Variants in ASB3 observed in about 807,000 individuals in gnomAD.
ASB3 encodes ankyrin repeat and SOCS box containing 3, also known as ankyrin repeat and SOCS box protein 3.
A neutral mutation model predicts 54.5 loss-of-function variants in ASB3; 41 were observed. The ratio of observed to expected loss-of-function variants is 0.75; its 90% CI spans 0.59 to 0.98. The LOEUF is 0.98. Ranked by LOEUF, ASB3 falls within the 50% of genes least tolerant of loss-of-function variation. ASB3 has a pLI of 0.00. For synonymous variants in ASB3, 266 were observed against 221.2 expected (o/e 1.20, Z -1.80); for missense variants, 733 against 620.0 (o/e 1.18, Z -1.94).
At position 53,714,600 on chromosome 2, in the gene ASB3, A is replaced by C; in HGVS notation, c.783-19T>G. 2 of 1,611,540 alleles carry C rather than the reference A, an allele frequency of 1.2e-6. No individual in the cohort carries two copies. Among genetic ancestry groups the C allele is most frequent in the Non-Finnish European group, 1.7e-6 (2 of 1,178,632 alleles). ...CAAGATTCTATAAATACACAAATTC[A>C]GGAGAATTTAGTGTTTGTATATGTG... is the stretch of plus-strand genomic sequence containing the variant. On this transcript the variant is annotated intron_variant, in intron 6 of 9. Transcript: ENST00000263634.
intron 3 of ASB3, among the ~76,000 whole-genome samples, chr2:53,734,504 T>C (rs577160689): frequency 1.7e-4 from 26 of 152,336 alleles, no homozygotes; most frequent in African/African-American, 6.3e-4. Context: ...GTCTACTTAG[T>C]GCCTATTATG....
Position 53,709,524 on chromosome 2 carries a change from T to C in ASB3, c.980+4860A>G, listed in dbSNP as rs141812851. Among the ~76,000 whole-genome samples the C allele has an allele frequency of 4.6e-5, 7 of 152,286 alleles. No homozygotes were observed. The East Asian group carries it at 1.4e-3, about 29-fold the overall frequency. Reference sequence around the variant, plus strand: ...CACTGAAATCTAAAGAAAGTTAGTATAAGATGTTTAGATGAAGGCTGGAGG... The same window carrying C: ...CACTGAAATCTAAAGAAAGTTAGTACAAGATGTTTAGATGAAGGCTGGAGG... On this transcript the variant is annotated intron_variant, in intron 7 of 9. Transcript: ENST00000263634.
rs538919769 is a variant in ASB3 at position 53,757,516 on chromosome 2, T to C, written c.197-6575A>G. Among the ~76,000 whole-genome samples the C allele has an allele frequency of 2.6e-5, 4 of 152,334 alleles. No homozygotes were observed. In the South Asian group the frequency reaches 6.2e-4, roughly 24 times the overall value. On this transcript the variant is annotated intron_variant, in intron 2 of 9. Transcript: ENST00000263634. ...ACCTCCTGGGTCCCGACCATGACTT[T>C]CTTGAAAGTGTAGCCCAAAATTCTC...
chr2:53,720,817 A>G (rs535661493), intron 5 of ASB3, among the ~76,000 whole-genome samples: 7 of 152,324 alleles, frequency 4.6e-5, no homozygotes, highest in African/African-American at 1.7e-4. Context: ...ACTCCAAGAC[A>G]GACCACATGC....
intron 9 of ASB3, among the ~76,000 whole-genome samples, chr2:53,682,536 G>A (rs1668429977): frequency 6.6e-6 from 1 of 152,068 alleles, no homozygotes; most frequent in Admixed American, 6.5e-5. Context: ...GAGTGCAGTG[G>A]TGCGATCTCG....
chr2:53,716,918 T>C (rs943818942), intron 5 of ASB3, among the ~76,000 whole-genome samples, 175 bp from the exon 6 acceptor site: 2 of 152,194 alleles, frequency 1.3e-5, no homozygotes, highest in African/African-American at 2.4e-5. Flanking sequence ...TTGGTAATCA[T>C]TTAAATTGTC....
rs1485339834 is a variant in ASB3, at chr2:53,786,936, G to T, written c.-129C>A. 4.8e-6 allele frequency: 2 copies of T among 420,294 alleles called. No individual in the cohort carries two copies. The highest frequency in any genetic ancestry group is 4.0e-5 in the Admixed American group (1 of 25,272). 26.0% of individuals were successfully genotyped at this position (420,294 alleles called of 1,614,324 possible). On this transcript the variant is annotated 5_prime_UTR_variant, in exon 1 of 10. Transcript: ENST00000263634. ...CGCGATGCTGCAGCCGTCCGAAAAC[G>T]AGAGACGCGCAGGCGACGTCCCGGC...
intron 1 of ASB3, chr2:53,768,054 C>A (rs763972378): frequency 1.2e-6 from 2 of 1,607,494 alleles, no homozygotes; most frequent in African/African-American, 1.3e-5. Flanking sequence ...ACACTTACTG[C>A]CCCCTGACCC....
chr2:53,679,403 C>T (rs1168614619), intron 9 of ASB3, among the ~76,000 whole-genome samples: 1 of 152,146 alleles, frequency 6.6e-6, no homozygotes, highest in African/African-American at 2.4e-5. Context: ...ACAGTAAAAA[C>T]TGGTCTTATG....
intron 9 of ASB3, among the ~76,000 whole-genome samples, chr2:53,674,784 T>C (rs1016225292): frequency 2.0e-5 from 3 of 152,240 alleles, no homozygotes; most frequent in Non-Finnish European, 2.9e-5. Context: ...TCCCAGTTTT[T>C]CTTAATTTAC....
chr2:53,768,359 G>C (rs532243200), intron 1 of ASB3: 1 of 220,966 alleles, frequency 4.5e-6, no homozygotes, highest in Non-Finnish European at 8.9e-6. Context: ...TCCCATTGGC[G>C]GGAAGATGAA....
chr2:53,716,715 G>A lies in ASB3; in HGVS notation c.633C>T (p.Asp211=). Reference sequence around the variant, plus strand: ...CAGCAATGAACAAGGGTGTAGCTTTGTCCAAGGCTTGACAATTGACATTTG... The same window carrying A: ...CAGCAATGAACAAGGGTGTAGCTTTATCCAAGGCTTGACAATTGACATTTG... ...SGANVNCQAL[D]KATPLFIAAQ... The change falls in exon 6 of 10, where the codon GAC becomes GAT. Residue 211 remains aspartate, a synonymous_variant. Coordinates refer to ENST00000263634, the MANE Select transcript of ASB3 (RefSeq NM_016115.5). 1.2e-6 allele frequency: 2 copies of A among 1,613,678 alleles called. No homozygotes were observed. Among genetic ancestry groups the A allele is most frequent in the East Asian group, 2.2e-5 (1 of 44,848 alleles).
At chr2:53,724,357 T>C (rs932726847) in intron 5 of ASB3, among the ~76,000 whole-genome samples, 11 of 152,078 alleles carry the variant, frequency 7.2e-5, no homozygotes, top group Non-Finnish European at 1.0e-4. Flanking sequence ...CTCAGCACTT[T>C]GGAGGCCAAG....
chr2:53,774,590 A>C, intron 1 of ASB3: 1 of 1,222,640 alleles, frequency 8.2e-7, no homozygotes, highest in Non-Finnish European at 1.1e-6. Flanking sequence ...CGTTTACTTA[A>C]AGATCTTATT....
intron 9 of ASB3, among the ~76,000 whole-genome samples, chr2:53,673,636 G>C (rs1323803501): frequency 6.6e-6 from 1 of 152,118 alleles, no homozygotes; most frequent in East Asian, 1.9e-4. Context: ...CAACAACATA[G>C]CTGTTGTTAA....
At chr2:53,680,708 T>G (rs1407593407) in intron 9 of ASB3, among the ~76,000 whole-genome samples, 2 of 152,218 alleles carry the variant, frequency 1.3e-5, no homozygotes, top group African/African-American at 2.4e-5. Flanking sequence ...CTCAAGCATT[T>G]ATCCTTTCTT....
rs371223028 is a variant in ASB3, at chr2:53,764,733, C to T, written c.196+644G>A. ...TGTAAATACTCCTACCATGGCCGAT[C>T]CCAAGCATGAAGTCACTGAATGCAG... On this transcript the variant is annotated intron_variant, in intron 2 of 9. Coordinates refer to ENST00000263634, the MANE Select transcript of ASB3 (RefSeq NM_016115.5). 2.0e-5 allele frequency among the ~76,000 whole-genome samples: 3 copies of T among 152,310 alleles called. No homozygotes were observed. The East Asian group carries it at 5.8e-4, about 29-fold the overall frequency.
intron 8 of ASB3, among the ~76,000 whole-genome samples, chr2:53,695,700 T>C (rs1669146219): frequency 6.6e-6 from 1 of 152,110 alleles, no homozygotes; most frequent in Admixed American, 6.6e-5. Flanking sequence ...ACCATTACAT[T>C]GTATAGACCA....
chr2:53,696,047 A>T lies in ASB3; in HGVS notation c.1239-2033T>A, dbSNP rs147168102. Among the ~76,000 whole-genome samples, 5 of 152,344 alleles carry T rather than the reference A, an allele frequency of 3.3e-5. No homozygotes were observed. In the East Asian group the frequency reaches 9.6e-4, roughly 29 times the overall value. On this transcript the variant is annotated intron_variant, in intron 8 of 9. Transcript: ENST00000263634. Reference sequence around the variant, plus strand: ...TTTGAATGTAAATTTGATCAAAGAAAGCAAAACATTTATCATATGCAGTGT... The same window carrying T: ...TTTGAATGTAAATTTGATCAAAGAATGCAAAACATTTATCATATGCAGTGT...
Sources: allele counts gnomAD v4.1 joint callset (sites outside exome capture counted in the v4.1 genomes callset), GRCh38; gene constraint gnomAD v4.1.1; transcripts MANE v1.5; gene names NCBI Gene and HGNC (gene_info 2026-07-23, HGNC 2026-07-21).